IL1RAPL1: variants seen among roughly 807,000 people sequenced by gnomAD.
The protein encoded by IL1RAPL1 is interleukin-1 receptor accessory protein-like 1.
A neutral mutation model predicts 48.4 loss-of-function variants in IL1RAPL1; 3 were observed. That is an observed-to-expected ratio of 0.06 (90% CI 0.03 to 0.16). IL1RAPL1 has a LOEUF of 0.16. IL1RAPL1 is among the 10% of genes least tolerant of loss of function. The pLI is 1.00. For synonymous variants in IL1RAPL1, 185 were observed against 187.7 expected (o/e 0.99, Z 0.12); for missense variants, 349 against 530.6 (o/e 0.66, Z 3.36).
chrX:29,021,588 T>A (rs191782818), intron 2 of IL1RAPL1, among the ~76,000 whole-genome samples: 1 of 112,278 alleles, frequency 8.9e-6, no homozygotes, highest in Non-Finnish European at 1.9e-5. Context: ...GCACAGTAAT[T>A]TCTACTAGAA....
intron 3 of IL1RAPL1, among the ~76,000 whole-genome samples, chrX:29,307,545 A>C (rs1476915551): frequency 8.9e-6 from 1 of 112,361 alleles, no homozygotes; most frequent in Admixed American, 9.5e-5. Context: ...GAACTAAGAT[A>C]GAACTATACA....
At chrX:28,619,879 T>A (rs1934265078) in intron 1 of IL1RAPL1, among the ~76,000 whole-genome samples, 1 of 111,616 alleles carries the variant, frequency 9.0e-6, no homozygotes, top group South Asian at 3.7e-4. Flanking sequence ...TAAGTCATAT[T>A]TTAGTAGATG....
chrX:29,055,196 A>G (rs1413836786), intron 2 of IL1RAPL1, among the ~76,000 whole-genome samples: 1 of 111,418 alleles, frequency 9.0e-6, no homozygotes, highest in Admixed American at 9.6e-5. Flanking sequence ...TTCTATAAAT[A>G]TAATATATAT....
At chrX:29,242,582 G>A (rs1214499428) in intron 2 of IL1RAPL1, among the ~76,000 whole-genome samples, 2 of 112,364 alleles carry the variant, frequency 1.8e-5, no homozygotes, top group Non-Finnish European at 3.8e-5. Flanking sequence ...TCTATTATAT[G>A]TACAGGGATT....
At chrX:29,467,158 G>A (rs1296701494) in intron 5 of IL1RAPL1, among the ~76,000 whole-genome samples, 2 of 111,950 alleles carry the variant, frequency 1.8e-5, no homozygotes, top group East Asian at 2.8e-4. Context: ...TCCCCCTGGA[G>A]TTTAAAGGCT....
intron 3 of IL1RAPL1, among the ~76,000 whole-genome samples, chrX:29,312,890 C>T (rs1174456529): frequency 2.7e-5 from 3 of 111,089 alleles, no homozygotes; most frequent in Admixed American, 9.6e-5. Context: ...TTTCGGCTTT[C>T]GCTCCTGTCT....
At chrX:29,324,545 G>A (rs762896953) in intron 3 of IL1RAPL1, among the ~76,000 whole-genome samples, 1 of 111,708 alleles carries the variant, frequency 9.0e-6, no homozygotes, top group South Asian at 3.8e-4. Context: ...TGGTATGGGG[G>A]ATCTTTGACC....
At chrX:29,143,295 A>G (rs1488281338) in intron 2 of IL1RAPL1, among the ~76,000 whole-genome samples, 1 of 111,798 alleles carries the variant, frequency 8.9e-6, no homozygotes, top group Non-Finnish European at 1.9e-5. Flanking sequence ...GATTATTTGA[A>G]TCTGGGACAC....
chrX:29,592,770 C>T (rs187028697), intron 5 of IL1RAPL1, among the ~76,000 whole-genome samples: 8 of 88,760 alleles, frequency 9.0e-5, no homozygotes, highest in Non-Finnish European at 1.5e-4. Context: ...TTTATGGTGC[C>T]GAGAGGAGCC....
chrX:29,161,079 A>G (rs746932002), intron 2 of IL1RAPL1, among the ~76,000 whole-genome samples: 12 of 110,441 alleles, frequency 1.1e-4, no homozygotes, highest in South Asian at 3.8e-4. Flanking sequence ...AAAAAGTGTG[A>G]TAACTGTTTT....
chrX:29,642,325 G>A (rs185319112), intron 5 of IL1RAPL1, among the ~76,000 whole-genome samples: 2 of 112,113 alleles, frequency 1.8e-5, no homozygotes, highest in African/African-American at 6.5e-5. Context: ...GAAGTGAGAG[G>A]GATAGTTTTG....
At chrX:28,590,562 C>T (rs757770665) in intron 1 of IL1RAPL1, among the ~76,000 whole-genome samples, 107 of 111,269 alleles carry the variant, frequency 9.6e-4, no homozygotes, top group Non-Finnish European at 1.1e-3. Context: ...GGAGGTTTGG[C>T]GTTCATATTG....
intron 2 of IL1RAPL1, among the ~76,000 whole-genome samples, chrX:29,089,358 C>T (rs1287893080): frequency 9.0e-6 from 1 of 110,802 alleles, no homozygotes; most frequent in Non-Finnish European, 1.9e-5. Context: ...ATACTCATCA[C>T]CTTACATAGT....
At chrX:29,639,260 T>G (rs1925084512) in intron 5 of IL1RAPL1, among the ~76,000 whole-genome samples, 1 of 112,182 alleles carries the variant, frequency 8.9e-6, no homozygotes, top group African/African-American at 3.2e-5. Context: ...CAGTTTTCTC[T>G]GCTGTTTCAG....
chrX:28,940,954 A>C (rs187940943), intron 2 of IL1RAPL1, among the ~76,000 whole-genome samples: 5 of 111,076 alleles, frequency 4.5e-5, no homozygotes, highest in African/African-American at 1.6e-4. Context: ...CCACTCAGAA[A>C]AAAATAAGCC....
At position 29,397,664 on chromosome X, in the gene IL1RAPL1, C is replaced by T. The variant is rs777047748; in HGVS notation, c.549+1220C>T. Among the ~76,000 whole-genome samples, 10 of 111,071 alleles carry T rather than the reference C, an allele frequency of 9.0e-5. No individual in the cohort carries two copies. The South Asian group carries it at 3.4e-3, about 38-fold the overall frequency. ...CATCTCAAACCACCCTGTGGTTTGT[C>T]TGACTTCCACAGGCAGATTCTGAGG... On this transcript the variant is annotated intron_variant, in intron 4 of 10. Coordinates refer to ENST00000378993, the MANE Select transcript of IL1RAPL1 (RefSeq NM_014271.4).
At chrX:28,736,680 C>G (rs1011443140) in intron 1 of IL1RAPL1, among the ~76,000 whole-genome samples, 1 of 111,860 alleles carries the variant, frequency 8.9e-6, no homozygotes, top group Non-Finnish European at 1.9e-5. Flanking sequence ...ACTAAGACAG[C>G]CTGTGCAATT....
chrX:29,308,620 AAT>A (rs1932660556), intron 3 of IL1RAPL1, among the ~76,000 whole-genome samples: 2 of 112,497 alleles, frequency 1.8e-5, no homozygotes, highest in Admixed American at 1.9e-4. Flanking sequence ...AGAATTAAAC[AAT>A]ATGTGTTATT....
intron 5 of IL1RAPL1, among the ~76,000 whole-genome samples, chrX:29,626,439 C>T (rs749642734): frequency 9.0e-6 from 1 of 111,655 alleles, no homozygotes; most frequent in African/African-American, 3.3e-5. Context: ...CCATATCTCA[C>T]CCATAGAGAT....
Sources: gnomAD v4.1 joint callset for allele counts (sites outside exome capture counted in the v4.1 genomes callset) on GRCh38, gnomAD v4.1.1 for gene constraint, MANE v1.5 for transcripts, NCBI Gene and HGNC (gene_info 2026-07-23, HGNC 2026-07-21) for gene names.